The following RBPMS2 variants were observed in gnomAD, a reference collection of about 807,000 sequenced individuals.
RBPMS2 encodes the protein RNA-binding protein with multiple splicing 2.
RBPMS2 carries 14 observed loss-of-function variants against 25.7 expected under a neutral mutation model. That is an observed-to-expected ratio of 0.55 (90% CI 0.36 to 0.85). The LOEUF is 0.85. Among genes scored for constraint, RBPMS2 ranks in the 40% least tolerant of loss-of-function variants. The probability of loss-of-function intolerance (pLI) is 0.01; values close to 1 mark genes in which losing one functional copy is unlikely to be tolerated. For missense variants in RBPMS2, 252 were observed against 283.4 expected (o/e 0.89, Z 0.80); for synonymous variants, 127 against 115.6 (o/e 1.10, Z -0.63).
intron 1 of RBPMS2, among the ~76,000 whole-genome samples, chr15:64,759,702 T>G (rs537394791): frequency 1.3e-5 from 2 of 151,988 alleles, no homozygotes; most frequent in South Asian, 4.2e-4. Flanking sequence ...TGAGATGGAG[T>G]CTTGCTGTCA....
At chr15:64,767,880 C>T (rs1302518016) in intron 1 of RBPMS2, among the ~76,000 whole-genome samples, 1 of 152,128 alleles carries the variant, frequency 6.6e-6, no homozygotes, top group East Asian at 1.9e-4. Context: ...GTTGCCCAGG[C>T]TGGTCTTGAA....
chr15:64,751,201 C>T (rs769338074), intron 2 of RBPMS2, among the ~76,000 whole-genome samples: 13 of 150,156 alleles, frequency 8.7e-5, no homozygotes, highest in South Asian at 4.2e-4. Context: ...GGCATAATGG[C>T]GCATGCCTGT....
chr15:64,740,495 G>C lies in RBPMS2; in HGVS notation c.*513C>G, dbSNP rs759316618. On this transcript the variant is annotated 3_prime_UTR_variant, in exon 8 of 8. Transcript: ENST00000300069. ...GGAAGCGTGTGGGGCCACGGAACTT[G>C]GGCCTCCCTGAAGCGGGGTGGGTGC... 5 of 152,414 alleles carry C rather than the reference G, an allele frequency of 3.3e-5. No homozygotes were observed. The highest frequency in any genetic ancestry group is 5.9e-5 in the Non-Finnish European group (4 of 68,096). The allele number at this position is 152,414 out of a possible 1,614,324, so 9.4% of individuals were successfully genotyped here. A position where few individuals can be genotyped will look rare whatever the true frequency, so the allele number is the denominator to read the frequency against.
intron 1 of RBPMS2, among the ~76,000 whole-genome samples, chr15:64,757,111 T>A (rs1053845658): frequency 4.6e-5 from 7 of 151,900 alleles, no homozygotes; most frequent in African/African-American, 1.7e-4. Flanking sequence ...TATCTGGGAC[T>A]ATAGGTGTGC....
At chr15:64,770,271 A>G (rs2083883686) in intron 1 of RBPMS2, among the ~76,000 whole-genome samples, 1 of 152,222 alleles carries the variant, frequency 6.6e-6, no homozygotes, top group South Asian at 2.1e-4. Context: ...CAATAGCAGT[A>G]TACTGTGTGG....
intron 1 of RBPMS2, among the ~76,000 whole-genome samples, chr15:64,757,943 T>A (rs1388778493): frequency 6.6e-6 from 1 of 151,984 alleles, no homozygotes; most frequent in Non-Finnish European, 1.5e-5. Context: ...ACCACTTGAA[T>A]TCCAGCCTGG....
intron 1 of RBPMS2, among the ~76,000 whole-genome samples, chr15:64,759,644 A>G (rs907841084): frequency 7.2e-5 from 11 of 152,116 alleles, no homozygotes; most frequent in Non-Finnish European, 1.2e-4. Context: ...GCTTGCGTGG[A>G]AAGGGACTCG....
chr15:64,754,479 G>A (rs1850235015), intron 1 of RBPMS2, among the ~76,000 whole-genome samples: 1 of 152,048 alleles, frequency 6.6e-6, no homozygotes, highest in Non-Finnish European at 1.5e-5. Context: ...GGGTGTGGTG[G>A]CGCATGCCTA....
chr15:64,764,653 C>T (rs1221015924), intron 1 of RBPMS2, among the ~76,000 whole-genome samples: 2 of 152,314 alleles, frequency 1.3e-5, no homozygotes, highest in South Asian at 2.1e-4. Flanking sequence ...CGGTGGCTCA[C>T]GCCTGTTATC....
At chr15:64,742,933 C>A (rs1243119235) in intron 6 of RBPMS2, among the ~76,000 whole-genome samples, 2 of 152,220 alleles carry the variant, frequency 1.3e-5, no homozygotes, top group East Asian at 3.8e-4. Flanking sequence ...GTTTTGTACA[C>A]TGCAGAATTC....
At chr15:64,775,173 C>T (rs2141084154) in intron 1 of RBPMS2, 60 bp downstream of exon 1, 3 of 1,022,478 alleles carry the variant, frequency 2.9e-6, no homozygotes, top group East Asian at 7.6e-5. Flanking sequence ...CCCCGCTCGC[C>T]CTCTCCCGCG....
intron 1 of RBPMS2, among the ~76,000 whole-genome samples, chr15:64,774,362 T>C (rs2083912789): frequency 6.6e-6 from 1 of 152,114 alleles, no homozygotes; most frequent in African/African-American, 2.4e-5. Context: ...CCAGCCTAGC[T>C]CCTCGTCCCT....
intron 1 of RBPMS2, among the ~76,000 whole-genome samples, chr15:64,767,092 C>CT (rs925158693): frequency 1.3e-5 from 2 of 151,468 alleles, no homozygotes; most frequent in Non-Finnish European, 2.9e-5. Flanking sequence ...CGGTTTTTTA[C>CT]TTTTTTTTTC....
intron 6 of RBPMS2, among the ~76,000 whole-genome samples, chr15:64,745,211 G>A (rs371905565): frequency 1.3e-5 from 2 of 152,034 alleles, no homozygotes; most frequent in Non-Finnish European, 2.9e-5. Flanking sequence ...ACTACCTATC[G>A]AACTGAAGAA....
rs552476859 is a variant in RBPMS2 at position 64,757,816 on chromosome 15, C to CG, written c.88-6179_88-6178insC. On this transcript the variant is annotated intron_variant, in intron 1 of 7. Coordinates refer to ENST00000300069, the MANE Select transcript of RBPMS2 (RefSeq NM_194272.3). ...GCAATATAGCAAGGCCCTATCCCCCCCCACAAAAAATCAGCCAGGCGTGGT... is the reference window on the plus strand; with the variant it reads ...GCAATATAGCAAGGCCCTATCCCCCCGCCACAAAAAATCAGCCAGGCGTGGT... Among the ~76,000 whole-genome samples the CG allele has an allele frequency of 1.4e-3, 208 of 151,676 alleles. No individual in the cohort carries two copies. In the South Asian group the frequency reaches 0.014, roughly 10 times the overall value.
chr15:64,744,141 A>G (rs920031547), intron 6 of RBPMS2, among the ~76,000 whole-genome samples: 4 of 149,762 alleles, frequency 2.7e-5, no homozygotes, highest in African/African-American at 9.8e-5. Context: ...AAGAGAAAGG[A>G]AAAAAAAAAG....
At position 64,772,276 on chromosome 15, in the gene RBPMS2, A is replaced by G. The variant is rs548410567; in HGVS notation, c.87+2957T>C. On this transcript the variant is annotated intron_variant, in intron 1 of 7. Transcript: ENST00000300069. ...ACTAAGACAGGACATTTAGGTCTGAAGTTTGGCAGCACTGATACAGCCTGC... is the reference window on the plus strand; with the variant it reads ...ACTAAGACAGGACATTTAGGTCTGAGGTTTGGCAGCACTGATACAGCCTGC... 2.6e-5 allele frequency among the ~76,000 whole-genome samples: 4 copies of G among 152,282 alleles called. No individual in the cohort carries two copies. The East Asian group carries it at 7.7e-4, about 29-fold the overall frequency.
chr15:64,774,735 C>CGGCCG, intron 1 of RBPMS2, among the ~76,000 whole-genome samples: 1 of 151,248 alleles, frequency 6.6e-6, no homozygotes, highest in Non-Finnish European at 1.5e-5. Flanking sequence ...ACCGAGGAGC[C>CGGCCG]GGCCGGCCCA....
At chr15:64,758,391 G>C (rs1345902551) in intron 1 of RBPMS2, among the ~76,000 whole-genome samples, 1 of 152,234 alleles carries the variant, frequency 6.6e-6, no homozygotes, top group Non-Finnish European at 1.5e-5. Context: ...TAGTCACATG[G>C]AGCAGGTATG....
Sources: allele counts gnomAD v4.1 joint callset (sites outside exome capture counted in the v4.1 genomes callset), GRCh38; gene constraint gnomAD v4.1.1; transcripts MANE v1.5; gene names NCBI Gene and HGNC (gene_info 2026-07-23, HGNC 2026-07-21).